PTPRT: variants seen among roughly 807,000 people sequenced by gnomAD.
PTPRT encodes the protein receptor-type tyrosine-protein phosphatase T.
PTPRT carries 56 observed loss-of-function variants against 176.8 expected under a neutral mutation model. That is an observed-to-expected ratio of 0.32 (90% CI 0.26 to 0.40). The LOEUF (loss-of-function observed/expected upper bound fraction) is 0.40. Ranked by LOEUF, PTPRT falls within the 10% of genes least tolerant of loss-of-function variation. The pLI, the probability that PTPRT is intolerant of heterozygous loss-of-function variation, is 1.00. For synonymous variants in PTPRT, 783 were observed against 739.0 expected (o/e 1.06, Z -0.96); for missense variants, 1,540 against 1,908.2 (o/e 0.81, Z 3.60).
chr20:42,117,546 C>G (rs1027748637), intron 21 of PTPRT, among the ~76,000 whole-genome samples: 5 of 152,072 alleles, frequency 3.3e-5, no homozygotes. Context: ...TGAAGAACAT[C>G]AAGATTTAGA....
intron 7 of PTPRT, among the ~76,000 whole-genome samples, chr20:42,595,128 G>A (rs2073648165): frequency 6.6e-6 from 1 of 152,054 alleles, no homozygotes; most frequent in South Asian, 2.1e-4. Flanking sequence ...GTACCCAGAT[G>A]AGACCCCAGG....
At chr20:42,688,953 A>G (rs566365666) in intron 6 of PTPRT, among the ~76,000 whole-genome samples, 1 of 152,344 alleles carries the variant, frequency 6.6e-6, no homozygotes, top group South Asian at 2.1e-4. Flanking sequence ...AATGAGCTAT[A>G]GAAGAAAGTG....
intron 9 of PTPRT, among the ~76,000 whole-genome samples, chr20:42,353,941 G>C (rs1198618841): frequency 2.0e-5 from 3 of 152,088 alleles, no homozygotes; most frequent in African/African-American, 2.4e-5. Flanking sequence ...TGTAGTCCCA[G>C]CTATTCAGGG....
At chr20:42,922,410 C>T (rs1179088587) in intron 1 of PTPRT, among the ~76,000 whole-genome samples, 1 of 152,194 alleles carries the variant, frequency 6.6e-6, no homozygotes, top group Non-Finnish European at 1.5e-5. Flanking sequence ...CCCAATTTCA[C>T]ATCCTTATTC....
intron 9 of PTPRT, among the ~76,000 whole-genome samples, chr20:42,430,347 T>G (rs2059204909): frequency 6.6e-6 from 1 of 152,208 alleles, no homozygotes; most frequent in African/African-American, 2.4e-5. Flanking sequence ...GTACTGTACG[T>G]GCTGAACTTC....
intron 7 of PTPRT, among the ~76,000 whole-genome samples, chr20:42,528,186 T>G (rs955215516): frequency 6.6e-6 from 1 of 152,178 alleles, no homozygotes; most frequent in African/African-American, 2.4e-5. Flanking sequence ...GCCTAGAAGA[T>G]CTTTCTCTCA....
rs146099941 is a variant in PTPRT at position 42,793,599 on chromosome 20, C to T, written c.215-2133G>A. 3.4e-3 allele frequency among the ~76,000 whole-genome samples: 521 copies of T among 152,232 alleles called. 3 individuals carry two copies. The highest frequency in any genetic ancestry group is 0.011 in the African/African-American group (445 of 41,538). ...CTTTGCCTGGTGTTTCTGAGTAAGG[C>T]GTCCCAGTTTTATGGCCGTGCAGTA... is the stretch of plus-strand genomic sequence containing the variant. On this transcript the variant is annotated intron_variant, in intron 2 of 30. Transcript: ENST00000373187.
At chr20:42,091,124 G>A (rs1053128444) in intron 27 of PTPRT, among the ~76,000 whole-genome samples, 1 of 152,158 alleles carries the variant, frequency 6.6e-6, no homozygotes, top group African/African-American at 2.4e-5. Context: ...AAAACAGAGG[G>A]GACTTTTGTT....
intron 2 of PTPRT, among the ~76,000 whole-genome samples, chr20:42,869,298 C>T (rs561898014): frequency 6.6e-6 from 1 of 152,264 alleles, no homozygotes; most frequent in East Asian, 1.9e-4. Context: ...GGGAGAGAGA[C>T]AGGCACCCAA....
Position 42,135,076 on chromosome 20 carries a change from G to C in PTPRT, c.2771-6246C>G, listed in dbSNP as rs568731020. Among the ~76,000 whole-genome samples, 7 of 152,282 alleles carry C rather than the reference G, an allele frequency of 4.6e-5. No homozygotes were observed. In the South Asian group the frequency reaches 1.5e-3, roughly 32 times the overall value. ...TAGCTGACCCCTCACCACACCTGTA[G>C]ACCCAGCCTATCCCTTCCAAAGACT... is the stretch of plus-strand genomic sequence containing the variant. On this transcript the variant is annotated intron_variant, in intron 18 of 30. Transcript: ENST00000373187.
At chr20:42,966,325 T>C (rs959621577) in intron 1 of PTPRT, 1 of 152,238 alleles carries the variant, frequency 6.6e-6, no homozygotes, top group African/African-American at 2.4e-5. Flanking sequence ...GCCTGATGTT[T>C]AACGAGGCTG....
At chr20:42,365,128 A>T (rs1600898455) in intron 9 of PTPRT, among the ~76,000 whole-genome samples, 1 of 152,214 alleles carries the variant, frequency 6.6e-6, no homozygotes, top group South Asian at 2.1e-4. Flanking sequence ...TTATTCCAAC[A>T]TGTATTCAAC....
intron 16 of PTPRT, among the ~76,000 whole-genome samples, chr20:42,180,125 G>C (rs1353174122): frequency 6.6e-6 from 1 of 152,152 alleles, no homozygotes; most frequent in Non-Finnish European, 1.5e-5. Context: ...ATAGGCACAA[G>C]GGTCTTCACT....
intron 1 of PTPRT, among the ~76,000 whole-genome samples, chr20:43,008,023 G>C (rs758052717): frequency 6.6e-6 from 1 of 152,196 alleles, no homozygotes; most frequent in Non-Finnish European, 1.5e-5. Context: ...TTCTTCCTGA[G>C]GCAGAATGCT....
rs115495353 is a variant in PTPRT, at chr20:42,851,444, A to G, written c.214+34363T>C. 8.8e-3 allele frequency among the ~76,000 whole-genome samples: 1,341 copies of G among 152,182 alleles called. 19 individuals carry two copies. Among genetic ancestry groups the G allele is most frequent in the African/African-American group, 0.031 (1,294 of 41,504 alleles). ...TCTTGCATTTCTCCCTTTCCAATCC[A>G]ATTCTTGATCCATTATAGGCATCTA... On this transcript the variant is annotated intron_variant, in intron 2 of 30. Coordinates refer to ENST00000373187, the MANE Select transcript of PTPRT (RefSeq NM_007050.6).
chr20:42,976,359 C>A (rs1281837129), intron 1 of PTPRT, among the ~76,000 whole-genome samples: 1 of 152,024 alleles, frequency 6.6e-6, no homozygotes, highest in Admixed American at 6.6e-5. Flanking sequence ...AGAAAGAACA[C>A]AGAGTTGAAA....
At chr20:43,081,083 A>G (rs1046086097) in intron 1 of PTPRT, among the ~76,000 whole-genome samples, 6 of 152,200 alleles carry the variant, frequency 3.9e-5, no homozygotes, top group African/African-American at 1.4e-4. Context: ...CTGGCTTGTC[A>G]TTTGTCTTCT....
chr20:42,775,961 TTAGTCTAAAGGAGAGTTCAGAAGCTAC>T (rs1407202652), intron 4 of PTPRT, among the ~76,000 whole-genome samples: 6 of 152,266 alleles, frequency 3.9e-5, no homozygotes, highest in African/African-American at 1.4e-4. Flanking sequence ...AAAAGCACCT[TTAGTCTAAAGGAGAGTTCAGAAGCTAC>T]TATCCACTTG....
At chr20:42,503,571 A>C (rs2071793011) in intron 7 of PTPRT, among the ~76,000 whole-genome samples, 2 of 151,956 alleles carry the variant, frequency 1.3e-5, no homozygotes, top group Non-Finnish European at 2.9e-5. Flanking sequence ...AATTTTTGAG[A>C]CTTGCTTTAT....
Sources: gnomAD v4.1 joint callset for allele counts (sites outside exome capture counted in the v4.1 genomes callset) on GRCh38, gnomAD v4.1.1 for gene constraint, MANE v1.5 for transcripts, NCBI Gene and HGNC (gene_info 2026-07-23, HGNC 2026-07-21) for gene names.